Variants in FGF5 observed in about 807,000 individuals in gnomAD.
The protein encoded by FGF5 is fibroblast growth factor 5, also known as heparin-binding growth factor 5.
In FGF5, 23 loss-of-function variants were observed where a neutral mutation model predicts 21.8. The ratio of observed to expected loss-of-function variants is 1.05; its 90% CI spans 0.76 to 1.49. The LOEUF is 1.49. Ranked by LOEUF, FGF5 falls within the 40% of genes most tolerant of loss-of-function variation. The pLI, the probability that FGF5 is intolerant of heterozygous loss-of-function variation, is 0.00. For synonymous variants in FGF5, 158 were observed against 124.0 expected, an observed-to-expected ratio of 1.27 and a Z score of -1.82; for missense variants, 352 against 332.9, an observed-to-expected ratio of 1.06 and a Z score of -0.45.
intron 1 of FGF5, among the ~76,000 whole-genome samples, chr4:80,267,652 G>T (rs1267555049): frequency 6.6e-6 from 1 of 151,944 alleles, no homozygotes; most frequent in Non-Finnish European, 1.5e-5. Flanking sequence ...TCTTCCATCC[G>T]CTACCATAAA....
At chr4:80,283,328 C>A (rs1387391984) in intron 2 of FGF5, among the ~76,000 whole-genome samples, 1 of 151,864 alleles carries the variant, frequency 6.6e-6, no homozygotes, top group Non-Finnish European at 1.5e-5. Context: ...ATCTGAAGTC[C>A]AAATAGCCAT....
At chr4:80,278,037 T>C (rs1720461236) in intron 2 of FGF5, among the ~76,000 whole-genome samples, 1 of 152,214 alleles carries the variant, frequency 6.6e-6, no homozygotes, top group African/African-American at 2.4e-5. Context: ...AGTTAACAAG[T>C]GATTGAACCA....
Position 80,288,063 on chromosome 4 carries a change from G to C in FGF5, c.*1391G>C. ...TTTAATAAAGTTCTGCAAAATACAC[G>C]TTTATCTTACATTCAGAAATGTGGC... On this transcript the variant is annotated 3_prime_UTR_variant, in exon 3 of 3. Transcript: ENST00000312465. The C allele has an allele frequency of 6.6e-6, 1 of 152,032 alleles. No individual in the cohort carries two copies. Among genetic ancestry groups the C allele is most frequent in the East Asian group, 1.9e-4 (1 of 5,188 alleles). The allele number at this position is 152,032 out of a possible 1,614,324, so 9.4% of individuals were successfully genotyped here.
In FGF5 at chr4:80,286,666, T is replaced by A; in HGVS notation, c.801T>A (p.Phe267Leu). The change falls in exon 3 of 3, where the codon TTT (phenylalanine) becomes TTA (leucine). Residue 267 changes from phenylalanine to leucine, a missense_variant. By Grantham distance (22) the Phe-to-Leu change is conservative. Transcript: ENST00000312465. ...TGAAATACAGACTCAAGTTTCGCTTTGGATAATATTCCTCTTGGCCTTGTG... is the reference window on the plus strand; with the variant it reads ...TGAAATACAGACTCAAGTTTCGCTTAGGATAATATTCCTCTTGGCCTTGTG... The part of the protein sequence containing the change: ...NSVKYRLKFR[F>L]G 2 of 1,612,132 alleles carry A rather than the reference T, an allele frequency of 1.2e-6. No homozygotes were observed. Among genetic ancestry groups the A allele is most frequent in the Non-Finnish European group, 1.7e-6 (2 of 1,178,514 alleles).
At chr4:80,267,286 C>T (rs2109914782) in intron 1 of FGF5, 107 bp downstream of exon 1, 1 of 877,226 alleles carries the variant, frequency 1.1e-6, no homozygotes, top group South Asian at 1.7e-5. Flanking sequence ...GAGCCCAGGC[C>T]ACTGGGACCA....
chr4:80,285,543 G>A (rs1560502276), intron 2 of FGF5, among the ~76,000 whole-genome samples: 1 of 152,052 alleles, frequency 6.6e-6, no homozygotes, highest in Non-Finnish European at 1.5e-5. Flanking sequence ...TGCTGTCATT[G>A]TACCCTCTGC....
In FGF5 at chr4:80,286,518, G is replaced by C. The variant is rs1051694370; in HGVS notation, c.653G>C (p.Arg218Thr). Residue 218 changes from arginine to threonine, a missense_variant, in exon 3 of 3, where the codon AGA becomes ACA. Transcript: ENST00000312465. ...PQHISTHFLP[R>T]FKQSEQPELS... ...CATATCTCTACCCATTTTCTGCCAAGATTCAAGCAGTCGGAGCAGCCAGAA... is the reference window on the plus strand; with the variant it reads ...CATATCTCTACCCATTTTCTGCCAACATTCAAGCAGTCGGAGCAGCCAGAA... The C allele has an allele frequency of 6.2e-7, 1 of 1,614,004 alleles. No homozygotes were observed. Among genetic ancestry groups the C allele is most frequent in the Non-Finnish European group, 8.5e-7 (1 of 1,179,980 alleles).
intron 1 of FGF5, among the ~76,000 whole-genome samples, chr4:80,272,787 T>C (rs1007679614): frequency 6.6e-6 from 1 of 152,122 alleles, no homozygotes; most frequent in Non-Finnish European, 1.5e-5. Context: ...GTCCCTTTTG[T>C]ATCCATCATT....
In FGF5 at chr4:80,290,668, C is replaced by G. The variant is rs1191378364; in HGVS notation, c.*3996C>G. The G allele has an allele frequency of 6.6e-6, 1 of 152,148 alleles. No individual in the cohort carries two copies. The highest frequency in any genetic ancestry group is 1.5e-5 in the Non-Finnish European group (1 of 68,052). 9.4% of individuals were successfully genotyped at this position (152,148 alleles called of 1,614,324 possible). ...CTGTCATCCAGCATTAGGTATATCT[C>G]CTAATGCTATCCCTCCCCTCTCCAC... On this transcript the variant is annotated 3_prime_UTR_variant, in exon 3 of 3. Coordinates refer to ENST00000312465, the MANE Select transcript of FGF5 (RefSeq NM_004464.4).
chr4:80,287,428 G>C lies in FGF5; in HGVS notation c.*756G>C, dbSNP rs1489542135. 1 of 152,124 alleles carries C rather than the reference G, an allele frequency of 6.6e-6. No homozygotes were observed. Among genetic ancestry groups the C allele is most frequent in the Non-Finnish European group, 1.5e-5 (1 of 68,016 alleles). The allele number at this position is 152,124 out of a possible 1,614,324, so 9.4% of individuals were successfully genotyped here. On this transcript the variant is annotated 3_prime_UTR_variant, in exon 3 of 3. Coordinates refer to ENST00000312465, the MANE Select transcript of FGF5 (RefSeq NM_004464.4). ...AACCTTTGGTGGCTGGGATATGATG[G>C]GTTAGAAGCAAGGAGAAAATATAAG... is the stretch of plus-strand genomic sequence containing the variant.
At chr4:80,282,580 G>T (rs1041249747) in intron 2 of FGF5, among the ~76,000 whole-genome samples, 2 of 152,106 alleles carry the variant, frequency 1.3e-5, no homozygotes, top group African/African-American at 4.8e-5. Flanking sequence ...CACAGTGCCT[G>T]GCATGTGATA....
chr4:80,284,093 C>T (rs1345232509), intron 2 of FGF5, among the ~76,000 whole-genome samples: 5 of 152,130 alleles, frequency 3.3e-5, no homozygotes, highest in African/African-American at 4.8e-5. Context: ...CAAGGTGTAT[C>T]GTAGACAGGG....
intron 2 of FGF5, among the ~76,000 whole-genome samples, chr4:80,283,549 A>T (rs1285649725): frequency 6.6e-6 from 1 of 152,062 alleles, no homozygotes; most frequent in Non-Finnish European, 1.5e-5. Flanking sequence ...CCTGTGCATG[A>T]GTGTGTGTGT....
At position 80,287,668 on chromosome 4, in the gene FGF5, T is replaced by A. The variant is rs1720775644; in HGVS notation, c.*996T>A. 6.6e-6 allele frequency: 1 copy of A among 152,198 alleles called. No homozygotes were observed. Among genetic ancestry groups the A allele is most frequent in the South Asian group, 2.1e-4 (1 of 4,836 alleles). 9.4% of individuals were successfully genotyped at this position (152,198 alleles called of 1,614,324 possible). On this transcript the variant is annotated 3_prime_UTR_variant, in exon 3 of 3. Transcript: ENST00000312465. ...ATTCAAGTGCTTAAAAATACTTCTATGACTCTCTGCTATCCCACTGTATAG... is the reference window on the plus strand; with the variant it reads ...ATTCAAGTGCTTAAAAATACTTCTAAGACTCTCTGCTATCCCACTGTATAG...
chr4:80,279,140 T>G (rs1169670398), intron 2 of FGF5, among the ~76,000 whole-genome samples: 1 of 152,190 alleles, frequency 6.6e-6, no homozygotes. Context: ...AGGCCTTGAG[T>G]GTGATGGTAA....
rs776631578 is a variant in FGF5, at chr4:80,275,064, T to A, written c.459+52T>A. 9 of 740,664 alleles carry A rather than the reference T, an allele frequency of 1.2e-5. No individual in the cohort carries two copies. In the East Asian group the frequency reaches 2.4e-4, roughly 19 times the overall value. The allele number at this position is 740,664 out of a possible 1,614,324, so 45.9% of individuals were successfully genotyped here. ...AAAGGTGCTATAAAGATTTTACATTTGTAAAACAGAATAATTTTCCAAATT... is the reference window on the plus strand; with the variant it reads ...AAAGGTGCTATAAAGATTTTACATTAGTAAAACAGAATAATTTTCCAAATT... On this transcript the variant is annotated intron_variant, in intron 2 of 2. Coordinates refer to ENST00000312465, the MANE Select transcript of FGF5 (RefSeq NM_004464.4).
At position 80,289,112 on chromosome 4, in the gene FGF5, G is replaced by C. The variant is rs1360580946; in HGVS notation, c.*2440G>C. The C allele has an allele frequency of 6.6e-6, 1 of 151,462 alleles. No homozygotes were observed. Among genetic ancestry groups the C allele is most frequent in the Non-Finnish European group, 1.5e-5 (1 of 67,992 alleles). The allele number at this position is 151,462 out of a possible 1,614,324, so 9.4% of individuals were successfully genotyped here. A position where few individuals can be genotyped will look rare whatever the true frequency, so the allele number is the denominator to read the frequency against. On this transcript the variant is annotated 3_prime_UTR_variant, in exon 3 of 3. Coordinates refer to ENST00000312465, the MANE Select transcript of FGF5 (RefSeq NM_004464.4). Reference sequence around the variant, plus strand: ...TGGTTTAAGGGATTCTCCTGCCTCAGCCTCCCAAGTAGCTGGGATTACAGA... The same window carrying C: ...TGGTTTAAGGGATTCTCCTGCCTCACCCTCCCAAGTAGCTGGGATTACAGA...
chr4:80,272,476 G>T (rs1720296548), intron 1 of FGF5, among the ~76,000 whole-genome samples: 1 of 152,096 alleles, frequency 6.6e-6, no homozygotes, highest in South Asian at 2.1e-4. Flanking sequence ...TTTGTTTAAA[G>T]AGAGAATGAG....
chr4:80,284,513 G>A (rs761861494), intron 2 of FGF5, among the ~76,000 whole-genome samples: 1 of 152,144 alleles, frequency 6.6e-6, no homozygotes, highest in African/African-American at 2.4e-5. Context: ...CAGCCTGCTC[G>A]AGATCATATC....
Sources: allele counts gnomAD v4.1 joint callset (sites outside exome capture counted in the v4.1 genomes callset), GRCh38; gene constraint gnomAD v4.1.1; transcripts MANE v1.5; gene names NCBI Gene and HGNC (gene_info 2026-07-23, HGNC 2026-07-21).